The following SMARCAD1 variants were observed in gnomAD, a reference collection of about 807,000 sequenced individuals.
The protein encoded by SMARCAD1 is SWI/SNF-related matrix-associated actin-dependent regulator of chromatin subfamily A containing DEAD/H box 1.
In SMARCAD1, 25 loss-of-function variants were observed where a neutral mutation model predicts 127.1. The ratio of observed to expected loss-of-function variants is 0.20; its 90% CI spans 0.14 to 0.27. The LOEUF (loss-of-function observed/expected upper bound fraction) is 0.27, where lower values mean the gene tolerates loss of function less well. SMARCAD1 is among the 10% of genes least tolerant of loss of function. The pLI is 1.00. For missense variants in SMARCAD1, 807 were observed against 1,206.0 expected (o/e 0.67, Z 4.90); for synonymous variants, 400 against 396.9 (o/e 1.01, Z -0.09).
chr4:94,275,959 G>A (rs13131414), intron 14 of SMARCAD1, among the ~76,000 whole-genome samples: 25,978 of 151,484 alleles, frequency 0.17, 2,875 homozygotes, highest in Non-Finnish European at 0.24. Flanking sequence ...CACCACACCC[G>A]GCTAATTTTT....
chr4:94,222,839 C>G (rs886894404), intron 2 of SMARCAD1, among the ~76,000 whole-genome samples: 1 of 152,024 alleles, frequency 6.6e-6, no homozygotes, highest in African/African-American at 2.4e-5. Flanking sequence ...GGGCAGGCAC[C>G]TGTAATCCCA....
intron 10 of SMARCAD1, among the ~76,000 whole-genome samples, chr4:94,269,255 A>G (rs1752181407): frequency 6.6e-6 from 1 of 152,174 alleles, no homozygotes. Context: ...TCCTTCAACA[A>G]TTTATTATAC....
At chr4:94,262,670 G>T (rs1212176524) in intron 9 of SMARCAD1, among the ~76,000 whole-genome samples, 1 of 152,040 alleles carries the variant, frequency 6.6e-6, no homozygotes, top group East Asian at 1.9e-4. Context: ...CATTAAAACA[G>T]TTCTTTTATT....
At chr4:94,285,170 T>C (rs1219493218) in intron 23 of SMARCAD1, 101 bp downstream of exon 23, 1 of 778,266 alleles carries the variant, frequency 1.3e-6, no homozygotes, top group Non-Finnish European at 2.3e-6. Context: ...TTAACTAGCT[T>C]ACAGTTTAGG....
At chr4:94,257,798 A>G (rs910403756) in intron 9 of SMARCAD1, among the ~76,000 whole-genome samples, 1 of 152,044 alleles carries the variant, frequency 6.6e-6, no homozygotes, top group Non-Finnish European at 1.5e-5. Flanking sequence ...TTTATGTAAT[A>G]TAGTTATAAT....
intron 22 of SMARCAD1, among the ~76,000 whole-genome samples, chr4:94,284,275 C>T (rs1364483819): frequency 2.2e-5 from 3 of 133,798 alleles, no homozygotes; most frequent in Admixed American, 1.6e-4. Context: ...TGCAGTGAGC[C>T]GCGATCGCAC....
chr4:94,227,733 C>T (rs1032236481), intron 3 of SMARCAD1, among the ~76,000 whole-genome samples: 22 of 152,142 alleles, frequency 1.4e-4, no homozygotes, highest in Non-Finnish European at 8.8e-5. Flanking sequence ...GAGAACACTC[C>T]TAGACGTCTA....
intron 6 of SMARCAD1, 50 bp downstream of exon 6, chr4:94,241,056 G>C (rs747651433): frequency 1.5e-6 from 2 of 1,297,970 alleles, no homozygotes; most frequent in East Asian, 4.7e-5. Flanking sequence ...TTAAGGTTAG[G>C]ATATGTGGAG....
At chr4:94,259,360 A>G (rs1035369212) in intron 9 of SMARCAD1, among the ~76,000 whole-genome samples, 1 of 152,216 alleles carries the variant, frequency 6.6e-6, no homozygotes, top group African/African-American at 2.4e-5. Context: ...TAATCACAGT[A>G]AATTCATTCA....
chr4:94,279,109 A>ATC, intron 19 of SMARCAD1, 59 bp downstream of exon 19: 1 of 1,608,592 alleles, frequency 6.2e-7, no homozygotes, highest in South Asian at 1.1e-5. Context: ...TTGTTAGGCT[A>ATC]TAAGATTGGT....
intron 20 of SMARCAD1, among the ~76,000 whole-genome samples, chr4:94,281,181 A>G (rs1010073643): frequency 6.6e-6 from 1 of 152,230 alleles, no homozygotes; most frequent in Non-Finnish European, 1.5e-5. Context: ...GCAGTTGTCC[A>G]CATTTTCCGA....
intron 9 of SMARCAD1, among the ~76,000 whole-genome samples, chr4:94,255,895 C>A (rs1331826727): frequency 6.6e-6 from 1 of 151,904 alleles, no homozygotes; most frequent in Non-Finnish European, 1.5e-5. Flanking sequence ...AATGTAGGTG[C>A]CTATTGTGAG....
At chr4:94,277,330 G>T (rs1282469376) in intron 16 of SMARCAD1, among the ~76,000 whole-genome samples, 171 bp downstream of exon 16, 2 of 152,010 alleles carry the variant, frequency 1.3e-5, no homozygotes, top group East Asian at 3.8e-4. Flanking sequence ...AAATATAATG[G>T]GAAAGAAAAT....
intron 23 of SMARCAD1, among the ~76,000 whole-genome samples, chr4:94,285,657 T>C (rs1431273770): frequency 2.6e-5 from 4 of 152,242 alleles, no homozygotes; most frequent in Non-Finnish European, 5.9e-5. Flanking sequence ...CAATATACTT[T>C]AATCTGTCTA....
At chr4:94,270,517 C>T (rs1432496716) in intron 10 of SMARCAD1, 3 of 479,642 alleles carry the variant, frequency 6.3e-6, no homozygotes, top group Non-Finnish European at 7.6e-6. Context: ...TTCTTACTGC[C>T]AGAAGAAATA....
At chr4:94,219,881 A>G (rs757291147) in intron 2 of SMARCAD1, among the ~76,000 whole-genome samples, 1 of 152,200 alleles carries the variant, frequency 6.6e-6, no homozygotes, top group Non-Finnish European at 1.5e-5. Flanking sequence ...TTGCTTTAAT[A>G]TCCCCCACCT....
chr4:94,257,261 A>G (rs140775182), intron 9 of SMARCAD1, among the ~76,000 whole-genome samples: 1 of 152,188 alleles, frequency 6.6e-6, no homozygotes, highest in African/African-American at 2.4e-5. Flanking sequence ...TTGAAACAGC[A>G]TGTGCAGAAA....
In SMARCAD1 at chr4:94,278,409, T is replaced by C. The variant is rs528290270; in HGVS notation, c.2083-13T>C. On this transcript the variant is annotated splice_polypyrimidine_tract_variant and intron_variant, in intron 16 of 23. Coordinates refer to ENST00000354268, the MANE Select transcript of SMARCAD1 (RefSeq NM_020159.5). The stretch of plus-strand genomic sequence containing the variant: ...GAATAATTCCTAAAAGGATATGTTT[T>C]TATTTTGCTCAGAAATCAGCAGATG... The C allele has an allele frequency of 7.0e-4, 1,129 of 1,602,410 alleles. 9 individuals carry two copies. The South Asian group carries it at 0.012, about 16-fold the overall frequency.
At position 94,281,538 on chromosome 4, in the gene SMARCAD1, C is replaced by T; in HGVS notation, c.2674C>T (p.His892Tyr). ...MLDILEVLLK[H>Y]HQHRYLRLDG... ...GGATATCTTAGAGGTTCTATTAAAA[C>T]ATCATCAGCATAGGTACCTCAGATT... is the stretch of plus-strand genomic sequence containing the variant. Residue 892 changes from histidine (H) to tyrosine (Y), a missense_variant, in exon 21 of 24, where the codon CAT becomes TAT. Physicochemically the swap from His to Tyr is moderately conservative, Grantham distance 83. Transcript: ENST00000354268. The T allele has an allele frequency of 2.5e-6, 4 of 1,613,368 alleles. No individual in the cohort carries two copies. The South Asian group carries it at 4.4e-5, about 18-fold the overall frequency.
Sources: gnomAD v4.1 joint callset for allele counts (sites outside exome capture counted in the v4.1 genomes callset) on GRCh38, gnomAD v4.1.1 for gene constraint, MANE v1.5 for transcripts, NCBI Gene and HGNC (gene_info 2026-07-23, HGNC 2026-07-21) for gene names.